KCNMA1: variants seen among roughly 807,000 people sequenced by gnomAD.
KCNMA1 encodes the protein potassium calcium-activated channel subfamily M alpha 1, also known as Calcium-activated potassium channel subunit alpha-1.
KCNMA1 carries 29 observed loss-of-function variants against 140.0 expected under a neutral mutation model. That is an observed-to-expected ratio of 0.21 (90% confidence interval 0.15 to 0.28). The LOEUF (loss-of-function observed/expected upper bound fraction) is 0.28, where lower values mean the gene tolerates loss of function less well. Ranked by LOEUF, KCNMA1 falls within the 10% of genes least tolerant of loss-of-function variation. The pLI is 1.00. For missense variants in KCNMA1, 880 were observed against 1,602.2 expected (o/e 0.55, Z 7.70); for synonymous variants, 612 against 611.9 (o/e 1.00, Z 0.00).
At chr10:76,884,127 C>T (rs187534617), downstream of KCNMA1, 42 of 258,210 alleles carry the variant, frequency 1.6e-4, no homozygotes, top group Admixed American at 1.7e-3. Context: ...AAACGCACTT[C>T]GGATTTACTT....
Position 77,108,771 on chromosome 10 carries a change from T to C in KCNMA1, c.1132-199A>G, listed in dbSNP as rs1192805238. Among the ~76,000 whole-genome samples the C allele has an allele frequency of 6.6e-6, 1 of 151,818 alleles. No individual in the cohort carries two copies. Among genetic ancestry groups the C allele is most frequent in the African/African-American group, 2.4e-5 (1 of 41,312 alleles). On this transcript the variant is annotated intron_variant, in intron 8 of 27. Coordinates refer to ENST00000286628, the MANE Select transcript of KCNMA1 (RefSeq NM_001161352.2). The surrounding 1 kb of genome is among the most constrained non-coding windows in gnomAD (Gnocchi z 4.6). ...AGAAATACACAAGACAAACAAACAT[T>C]GGCCACCTTGACAACTAAAGAACAA...
Position 77,346,428 on chromosome 10 carries a change from C to T in KCNMA1, c.540+57434G>A, listed in dbSNP as rs79628356. On this transcript the variant is annotated intron_variant, in intron 2 of 27. Coordinates refer to ENST00000286628, the MANE Select transcript of KCNMA1 (RefSeq NM_001161352.2). The stretch of plus-strand genomic sequence containing the variant: ...CTATTCCAGCATCTTGCAGCTGGTA[C>T]CTTGGGTCATTTGTTTTGTTTTTGT... 1.4e-4 allele frequency among the ~76,000 whole-genome samples: 21 copies of T among 152,302 alleles called. No individual in the cohort carries two copies. In the East Asian group the frequency reaches 4.0e-3, roughly 29 times the overall value.
At chr10:77,601,405 G>T (rs1057062737) in intron 1 of KCNMA1, among the ~76,000 whole-genome samples, 5 of 152,206 alleles carry the variant, frequency 3.3e-5, no homozygotes, top group African/African-American at 9.6e-5. Flanking sequence ...ATTGACTAAT[G>T]TGTGATGTCC....
chr10:77,546,054 C>T (rs2061403462), intron 1 of KCNMA1, among the ~76,000 whole-genome samples: 1 of 152,190 alleles, frequency 6.6e-6, no homozygotes, highest in African/African-American at 2.4e-5. Flanking sequence ...CTGGCTGTCC[C>T]TTGGAGGGAA....
chr10:77,303,867 A>T (rs570071627), intron 2 of KCNMA1, among the ~76,000 whole-genome samples: 49 of 152,368 alleles, frequency 3.2e-4, no homozygotes, highest in Non-Finnish European at 4.7e-4. Flanking sequence ...GAACAGACTC[A>T]TTGCAAGACG....
chr10:76,913,552 G>GA (rs1564868239), intron 24 of KCNMA1: 1,524 of 144,136 alleles, frequency 0.011, 13 homozygotes, highest in African/African-American at 0.033. Flanking sequence ...CTAGTAGGGG[G>GA]GAAAAAAAAA....
At chr10:77,384,503 T>C (rs2095536163) in intron 2 of KCNMA1, among the ~76,000 whole-genome samples, 1 of 152,138 alleles carries the variant, frequency 6.6e-6, no homozygotes, top group South Asian at 2.1e-4. Flanking sequence ...TGAAAGCACA[T>C]CAAAGAGGGA....
At chr10:77,216,127 C>T (rs2047703423) in intron 3 of KCNMA1, among the ~76,000 whole-genome samples, 1 of 152,108 alleles carries the variant, frequency 6.6e-6, no homozygotes, top group Non-Finnish European at 1.5e-5. Context: ...ATGTCTAGAA[C>T]AGGCAACTCT....
At chr10:77,546,427 T>C (rs1284198879) in intron 1 of KCNMA1, among the ~76,000 whole-genome samples, 1 of 149,994 alleles carries the variant, frequency 6.7e-6, no homozygotes, top group Non-Finnish European at 1.5e-5. Context: ...AGCACAGATA[T>C]AGGGGCCTTG....
intron 1 of KCNMA1, among the ~76,000 whole-genome samples, chr10:77,616,576 C>T (rs1046714001): frequency 3.3e-5 from 5 of 152,112 alleles, no homozygotes; most frequent in Admixed American, 2.6e-4. Flanking sequence ...GAGGCTGAGG[C>T]GGGTGGATCA....
At chr10:77,115,342 T>C (rs1164451407) in intron 6 of KCNMA1, among the ~76,000 whole-genome samples, 1 of 152,236 alleles carries the variant, frequency 6.6e-6, no homozygotes, top group Non-Finnish European at 1.5e-5. Context: ...CAATATTTAT[T>C]GAGCCCTTAT....
intron 1 of KCNMA1, among the ~76,000 whole-genome samples, chr10:77,619,845 TA>T (rs2090843941): frequency 6.6e-6 from 1 of 151,926 alleles, no homozygotes; most frequent in Non-Finnish European, 1.5e-5. Context: ...CTAGGGTAGG[TA>T]GAGAAGGCTT....
intron 11 of KCNMA1, 132 bp downstream of exon 11, chr10:77,086,356 T>A: frequency 4.1e-6 from 3 of 729,126 alleles, no homozygotes; most frequent in Non-Finnish European, 5.0e-6. Context: ...TGGTATGTGA[T>A]TGATCTCATT....
intron 1 of KCNMA1, among the ~76,000 whole-genome samples, chr10:77,594,713 A>G (rs2670117): frequency 0.92 from 139,432 of 152,294 alleles, 63,985 homozygotes; most frequent in South Asian, 0.97. Context: ...CAGGACTGAT[A>G]ACAATGGCGT....
intron 1 of KCNMA1, among the ~76,000 whole-genome samples, chr10:77,601,742 CTTTA>C (rs908040735): frequency 2.0e-5 from 3 of 152,160 alleles, no homozygotes; most frequent in South Asian, 2.1e-4. Flanking sequence ...ACCAAGGCCA[CTTTA>C]TTTGTCAGTG....
chr10:76,989,070 A>G (rs1011420228), intron 19 of KCNMA1, among the ~76,000 whole-genome samples: 4 of 152,276 alleles, frequency 2.6e-5, no homozygotes, highest in Middle Eastern at 6.8e-3. Flanking sequence ...CTGCATATGA[A>G]CTGGTCTGGG....
intron 15 of KCNMA1, among the ~76,000 whole-genome samples, chr10:77,037,489 C>T (rs1292779990): frequency 2.0e-5 from 3 of 152,124 alleles, no homozygotes; most frequent in South Asian, 2.1e-4. Flanking sequence ...CCAGTTAGAG[C>T]CTGTAGGGGG....
At chr10:77,184,961 G>A in intron 3 of KCNMA1, 45 bp from the exon 4 acceptor site, 1 of 1,090,094 alleles carries the variant, frequency 9.2e-7, no homozygotes, top group Non-Finnish European at 1.4e-6. Context: ...ATGACAGGTA[G>A]TATCATCCTG....
At chr10:77,546,425 T>C (rs560267791) in intron 1 of KCNMA1, among the ~76,000 whole-genome samples, 18 of 150,018 alleles carry the variant, frequency 1.2e-4, no homozygotes, top group African/African-American at 3.9e-4. Flanking sequence ...CCAGCACAGA[T>C]ATAGGGGCCT....
Sources: allele counts gnomAD v4.1 joint callset (sites outside exome capture counted in the v4.1 genomes callset), GRCh38; gene constraint gnomAD v4.1.1; non-coding constraint Gnocchi (gnomAD v3.1); transcripts MANE v1.5; gene names NCBI Gene and HGNC (gene_info 2026-07-23, HGNC 2026-07-21).